ARRDC5: variants seen among roughly 807,000 people sequenced by gnomAD.
ARRDC5 encodes the protein arrestin domain-containing protein 5.
ARRDC5 carries 12 observed loss-of-function variants against 13.3 expected under a neutral mutation model. That is an observed-to-expected ratio of 0.90 (90% CI 0.58 to 1.46). The LOEUF is 1.46. ARRDC5 is among the 40% of genes most tolerant of loss of function. The pLI is 0.00. For synonymous variants in ARRDC5, 181 were observed against 173.4 expected (o/e 1.04, Z -0.34); for missense variants, 406 against 418.7 (o/e 0.97, Z 0.26).
At chr19:4,895,681 C>G (rs1392178265) in intron 2 of ARRDC5, among the ~76,000 whole-genome samples, 2 of 152,162 alleles carry the variant, frequency 1.3e-5, no homozygotes, top group Middle Eastern at 3.2e-3. Context: ...GCCACCACCT[C>G]TATTGTCTGG....
intron 2 of ARRDC5, among the ~76,000 whole-genome samples, chr19:4,895,598 G>T (rs1042969429): frequency 6.6e-6 from 1 of 151,996 alleles, no homozygotes; most frequent in Non-Finnish European, 1.5e-5. Context: ...ACCTGGACTC[G>T]GGAAGGGATC....
upstream of ARRDC5, chr19:4,903,267 C>T (rs150009893): frequency 0.013 from 2,326 of 174,160 alleles, 63 homozygotes; most frequent in African/African-American, 0.052. Flanking sequence ...ATCCACCCAC[C>T]TCAGCCTCCC....
chr19:4,896,178 G>GTA (rs2031701982), intron 2 of ARRDC5, among the ~76,000 whole-genome samples: 1 of 151,766 alleles, frequency 6.6e-6, no homozygotes, highest in African/African-American at 2.4e-5. Context: ...AGCTGGGCAT[G>GTA]GTGGTGCACA....
the ARRDC5 span, chr19:4,909,441 C>T: frequency 4.6e-6 from 3 of 653,400 alleles, no homozygotes; most frequent in Non-Finnish European, 5.5e-6. Context: ...CGCCCGCCCC[C>T]GGCACGGCCT....
chr19:4,893,109 AAT>A (rs199780403), intron 2 of ARRDC5, among the ~76,000 whole-genome samples: 1 of 139,554 alleles, frequency 7.2e-6, no homozygotes, highest in African/African-American at 2.6e-5. Flanking sequence ...CTCAAAAATA[AAT>A]ATATATATTA....
the ARRDC5 span, chr19:4,909,489 G>A: frequency 6.1e-6 from 4 of 655,048 alleles, no homozygotes; most frequent in African/African-American, 7.6e-5. Flanking sequence ...GAGTTTTCGC[G>A]GGAAAAAAAT....
In ARRDC5 at chr19:4,891,404, A is replaced by C; in HGVS notation, c.629T>G (p.Phe210Cys). The C allele has an allele frequency of 6.2e-7, 1 of 1,613,368 alleles. No individual in the cohort carries two copies. The highest frequency in any genetic ancestry group is 8.5e-7 in the Non-Finnish European group (1 of 1,179,870). The change falls in exon 3 of 3, where the codon TTC (phenylalanine) becomes TGC (cysteine). Residue 210 changes from phenylalanine to cysteine, a missense_variant. Coordinates refer to ENST00000650722, the MANE Select transcript of ARRDC5 (RefSeq NM_001080523.3). ...QTSKCIKTVV[F>C]ALYAHIQYEG... ...GTACTGTATGTGGGCATACAGGGCG[A>C]ATACGACCGTCTTGATGCATTTGCT...
chr19:4,898,680 T>TTTTTTTTTTTTTG (rs2031813144), intron 1 of ARRDC5, among the ~76,000 whole-genome samples: 1 of 144,144 alleles, frequency 6.9e-6, no homozygotes, highest in African/African-American at 2.5e-5. Context: ...TTTTTTTTTT[T>TTTTTTTTTTTTTG]GAGACAGGGT....
rs865913186 is a variant in ARRDC5, at chr19:4,896,801, G to A, written c.329C>T (p.Thr110Ile). Residue 110 changes from threonine to isoleucine, a missense_variant, in exon 2 of 3, where the codon ACC becomes ATC. Physicochemically the swap from Thr to Ile is moderately conservative, Grantham distance 89. Coordinates refer to ENST00000650722, the MANE Select transcript of ARRDC5 (RefSeq NM_001080523.3). ...NLPPRLPSTF[T>I]SKFGHVFYFV... ...ATAGAAGACATGGCCAAATTTGCTG[G>A]TGAAGGTAGAAGGAAGCCTGGGAGG... is the stretch of plus-strand genomic sequence containing the variant. 22 of 1,613,894 alleles carry A rather than the reference G, an allele frequency of 1.4e-5. 1 individual carries two copies. The Middle Eastern group carries it at 2.5e-3, about 182-fold the overall frequency.
At position 4,890,932 on chromosome 19, in the gene ARRDC5, T is replaced by G; in HGVS notation, c.*114A>C. The G allele has an allele frequency of 1.2e-6, 1 of 800,692 alleles. No individual in the cohort carries two copies. The highest frequency in any genetic ancestry group is 2.0e-6 in the Non-Finnish European group (1 of 507,250). 49.6% of individuals were successfully genotyped at this position (800,692 alleles called of 1,614,324 possible). A position where few individuals can be genotyped will look rare whatever the true frequency, so the allele number is the denominator to read the frequency against. On this transcript the variant is annotated 3_prime_UTR_variant, in exon 3 of 3. Transcript: ENST00000650722. ...CCTAAACCGCTAGAGCTTGGGGAGG[T>G]TGCAGACAACCTGTTGCCCACTCCT...
chr19:4,910,664 T>G, the ARRDC5 span: 1 of 431,598 alleles, frequency 2.3e-6, no homozygotes, highest in South Asian at 8.7e-5. Context: ...CTCCTCAATC[T>G]TCAACACTTG....
At chr19:4,905,056 G>A (rs1438328207), upstream of ARRDC5, among the ~76,000 whole-genome samples, 1 of 151,704 alleles carries the variant, frequency 6.6e-6, no homozygotes, top group Non-Finnish European at 1.5e-5. Flanking sequence ...CTGACCCACG[G>A]GCCACATTTG....
intron 2 of ARRDC5, 45 bp downstream of exon 2, chr19:4,896,626 G>C: frequency 6.8e-7 from 1 of 1,460,722 alleles, no homozygotes; most frequent in Non-Finnish European, 9.6e-7. Context: ...CTTCCTCCTT[G>C]GAGCTTGGAG....
At chr19:4,897,303 T>A (rs760900003) in intron 1 of ARRDC5, among the ~76,000 whole-genome samples, 8 of 152,040 alleles carry the variant, frequency 5.3e-5, no homozygotes, top group African/African-American at 7.2e-5. Context: ...GGTCCTGGGC[T>A]TGGCTTGTCT....
intron 1 of ARRDC5, among the ~76,000 whole-genome samples, chr19:4,899,258 G>A (rs1485867789): frequency 6.6e-6 from 1 of 151,614 alleles, no homozygotes; most frequent in Non-Finnish European, 1.5e-5. Flanking sequence ...CTTGCAGTGA[G>A]CCGAGATCGC....
the ARRDC5 span, chr19:4,909,574 C>A: frequency 7.6e-6 from 5 of 655,642 alleles, no homozygotes; most frequent in Admixed American, 2.3e-5. Context: ...CGCGCGGGGT[C>A]CGGGCCACGC....
rs201369086 is a variant in ARRDC5, at chr19:4,896,631, T to G, written c.459+40A>C. 8.2e-5 allele frequency: 121 copies of G among 1,475,842 alleles called. No homozygotes were observed. In the African/African-American group the frequency reaches 1.6e-3, roughly 19 times the overall value. 91.4% of individuals were successfully genotyped at this position (1,475,842 alleles called of 1,614,324 possible). On this transcript the variant is annotated intron_variant, in intron 2 of 2. Transcript: ENST00000650722. ...CACCTTCCCTCTTCCTCCTTGGAGCTTGGAGATTGTTCCCACCTCCACCTT... is the reference window on the plus strand; with the variant it reads ...CACCTTCCCTCTTCCTCCTTGGAGCGTGGAGATTGTTCCCACCTCCACCTT...
At chr19:4,906,781 A>T (rs1288766743), upstream of ARRDC5, among the ~76,000 whole-genome samples, 1 of 152,128 alleles carries the variant, frequency 6.6e-6, no homozygotes, top group Non-Finnish European at 1.5e-5. Context: ...AGAAAAAGAA[A>T]AATGTATTCC....
the ARRDC5 span, among the ~76,000 whole-genome samples, chr19:4,912,275 C>T: frequency 6.6e-6 from 1 of 152,322 alleles, no homozygotes; most frequent in African/African-American, 2.4e-5. Context: ...CTCTCTTCCT[C>T]CCTCCTCCTA....
Sources: allele counts gnomAD v4.1 joint callset (sites outside exome capture counted in the v4.1 genomes callset), GRCh38; gene constraint gnomAD v4.1.1; transcripts MANE v1.5; gene names NCBI Gene and HGNC (gene_info 2026-07-23, HGNC 2026-07-21).